The following CYTH2 variants were observed in gnomAD, a reference collection of about 807,000 sequenced individuals.
CYTH2 encodes the protein cytohesin-2.
In CYTH2, 24 loss-of-function variants were observed where a neutral mutation model predicts 55.4. The observed-to-expected ratio is 0.43, with a 90% CI of 0.31 to 0.61. CYTH2 has a LOEUF of 0.61. Among genes scored for constraint, CYTH2 ranks in the 20% least tolerant of loss-of-function variants. The pLI is 0.08. For missense variants in CYTH2, 378 were observed against 533.5 expected (o/e 0.71, Z 2.87); for synonymous variants, 221 against 209.6 (o/e 1.05, Z -0.47).
In CYTH2 at chr19:48,474,036, G is replaced by A; in HGVS notation, c.547+19G>A. 1 of 1,591,404 alleles carries A rather than the reference G, an allele frequency of 6.3e-7. No homozygotes were observed. The highest frequency in any genetic ancestry group is 8.6e-7 in the Non-Finnish European group (1 of 1,169,486). On this transcript the variant is annotated intron_variant, in intron 6 of 11. Transcript: ENST00000452733. This position sits in a 1 kb window ranked among gnomAD's most constrained non-coding sequence, Gnocchi z 4.9. The stretch of plus-strand genomic sequence containing the variant: ...TCCACAGGTGCGGGCCCCAAATCCT[G>A]GGTCCTGGGAAAGAGGAGACTGGGG...
In CYTH2 at chr19:48,479,237, T is replaced by C; in HGVS notation, c.*27T>C. 1 of 1,612,052 alleles carries C rather than the reference T, an allele frequency of 6.2e-7. No homozygotes were observed. The highest frequency in any genetic ancestry group is 1.7e-5 in the Admixed American group (1 of 59,962). Reference sequence around the variant, plus strand: ...CCCCTGCCCCCAACTCCATTATTTATTACGGAGCTGCCCCGCCTGGGTGGC... The same window carrying C: ...CCCCTGCCCCCAACTCCATTATTTACTACGGAGCTGCCCCGCCTGGGTGGC... On this transcript the variant is annotated 3_prime_UTR_variant, in exon 12 of 12. Coordinates refer to ENST00000452733, the MANE Select transcript of CYTH2 (RefSeq NM_004228.7).
intron 5 of CYTH2, 92 bp downstream of exon 5, chr19:48,473,470 G>A: frequency 7.3e-7 from 1 of 1,377,910 alleles, no homozygotes; most frequent in Non-Finnish European, 1.0e-6. Context: ...GAAAAAAACA[G>A]AAACAAGCAA....
chr19:48,470,371 C>T lies in CYTH2; in HGVS notation c.38C>T (p.Pro13Leu). The T allele has an allele frequency of 3.1e-6, 5 of 1,612,834 alleles. No homozygotes were observed. The highest frequency in any genetic ancestry group is 1.7e-5 in the Admixed American group (1 of 59,974). ...DGVYEPPDLT[P>L]EERMELENIR... Reference sequence around the variant, plus strand: ...TCCCTAGAACCCCCAGACCTGACTCCGGAGGAGCGGATGGAGCTGGAGAAC... The same window carrying T: ...TCCCTAGAACCCCCAGACCTGACTCTGGAGGAGCGGATGGAGCTGGAGAAC... The change falls in exon 2 of 12, where the codon CCG becomes CTG. Residue 13 changes from proline (P) to leucine (L), a missense_variant. Physicochemically the swap from Pro to Leu is moderately conservative, Grantham distance 98 (BLOSUM62 -3). Coordinates refer to ENST00000452733, the MANE Select transcript of CYTH2 (RefSeq NM_004228.7).
Position 48,481,478 on chromosome 19 carries a change from AT to A in CYTH2, c.*2276del. ...CCCCCAAGCTCCCAGCACGCTTCTGATTTTTTTTGTAGGTTTTTTTTTTTGT... is the reference window on the plus strand; with the variant it reads ...CCCCCAAGCTCCCAGCACGCTTCTGATTTTTTTGTAGGTTTTTTTTTTTGT... On this transcript the variant is annotated 3_prime_UTR_variant, in exon 12 of 12. Coordinates refer to ENST00000452733, the MANE Select transcript of CYTH2 (RefSeq NM_004228.7). 2 of 169,204 alleles carry A rather than the reference AT, an allele frequency of 1.2e-5. No individual in the cohort carries two copies. The highest frequency in any genetic ancestry group is 1.7e-4 in the East Asian group (1 of 5,960). The allele number at this position is 169,204 out of a possible 1,614,324, so 10.5% of individuals were successfully genotyped here.
chr19:48,474,921 G>C lies in CYTH2; in HGVS notation c.780G>C (p.Pro260=). ...ACCTGACCCACACCTTCTTCAACCCGGACCGGGAGGGCTGGCTCCTGAAGC... is the reference window on the plus strand; with the variant it reads ...ACCTGACCCACACCTTCTTCAACCCCGACCGGGAGGGCTGGCTCCTGAAGC... ...GNDLTHTFFN[P]DREGWLLKLG... The change falls in exon 8 of 12, where the codon CCG becomes CCC. Residue 260 remains proline (P), a synonymous_variant. Coordinates refer to ENST00000452733, the MANE Select transcript of CYTH2 (RefSeq NM_004228.7). This position sits in a 1 kb window ranked among gnomAD's most constrained non-coding sequence, Gnocchi z 4.9. 2 of 1,614,138 alleles carry C rather than the reference G, an allele frequency of 1.2e-6. No individual in the cohort carries two copies. Among genetic ancestry groups the C allele is most frequent in the Non-Finnish European group, 1.7e-6 (2 of 1,180,000 alleles).
chr19:48,477,301 TG>T, intron 8 of CYTH2: 1 of 152,644 alleles, frequency 6.6e-6, no homozygotes, highest in Non-Finnish European at 1.5e-5. Context: ...GACCAAGGGC[TG>T]GGGGTTTTGC....
At chr19:48,472,283 C>T (rs758132257) in intron 3 of CYTH2, 42 bp from the exon 4 acceptor site, 3 of 1,593,004 alleles carry the variant, frequency 1.9e-6, no homozygotes, top group East Asian at 2.2e-5. Context: ...AGTGGGGTGG[C>T]TTTCTGGCCC....
chr19:48,472,471 G>GCCCCCCCCCCCCCCCCCCCCCC, intron 4 of CYTH2, 28 bp downstream of exon 4: 2 of 1,584,662 alleles, frequency 1.3e-6, no homozygotes, highest in Non-Finnish European at 1.7e-6. Context: ...CTCCTGTGGG[G>GCCCCCCCCCCCCCCCCCCCCCC]CCCCTCCCTC....
chr19:48,478,056 C>T lies in CYTH2; in HGVS notation c.809-13C>T, dbSNP rs964810192. On this transcript the variant is annotated splice_polypyrimidine_tract_variant and intron_variant, in intron 8 of 11. Coordinates refer to ENST00000452733, the MANE Select transcript of CYTH2 (RefSeq NM_004228.7). ...TGTTGAGCCCAGGCCCCCTCCCACC[C>T]CTTCCCTTTCAGGGGGCCGGGTGAA... The T allele has an allele frequency of 1.9e-6, 3 of 1,613,016 alleles. No homozygotes were observed. In the African/African-American group the frequency reaches 4.0e-5, roughly 22 times the overall value.
At position 48,470,469 on chromosome 19, in the gene CYTH2, G is replaced by A. The variant is rs763101707; in HGVS notation, c.136G>A (p.Glu46Lys). 5.0e-6 allele frequency: 8 copies of A among 1,614,100 alleles called. No individual in the cohort carries two copies. In the Admixed American group the frequency reaches 5.0e-5, roughly 10 times the overall value. The change falls in exon 2 of 12, where the codon GAG (glutamate) becomes AAG (lysine). Residue 46 changes from glutamate (E) to lysine (K), a missense_variant. Physicochemically the swap from Glu to Lys is moderately conservative, Grantham distance 56 (BLOSUM62 1). Coordinates refer to ENST00000452733, the MANE Select transcript of CYTH2 (RefSeq NM_004228.7). ...GGAGGAGCTCAGTGAAGCCATGAGC[G>A]AGGTGGAGGGGCTGGAGGCCAATGA... ...LREELSEAMSEVEGLEANEGS... is the reference protein window; with the variant it reads ...LREELSEAMSKVEGLEANEGS...
rs1000943199 is a variant in CYTH2, at chr19:48,478,268, T to G, written c.886-7T>G. The G allele has an allele frequency of 1.2e-6, 2 of 1,612,338 alleles. No individual in the cohort carries two copies. The highest frequency in any genetic ancestry group is 1.7e-6 in the Non-Finnish European group (2 of 1,179,452). ...AAGTCTGAGTTCTGTCCACCTTGCT[T>G]CTTCAGGACAAGGAGCCCCGAGGAA... is the stretch of plus-strand genomic sequence containing the variant. On this transcript the variant is annotated splice_region_variant and splice_polypyrimidine_tract_variant and intron_variant, in intron 9 of 11. Coordinates refer to ENST00000452733, the MANE Select transcript of CYTH2 (RefSeq NM_004228.7).
In CYTH2 at chr19:48,479,396, A is replaced by G; in HGVS notation, c.*186A>G. 1.8e-6 allele frequency: 1 copy of G among 553,432 alleles called. No homozygotes were observed. The highest frequency in any genetic ancestry group is 3.1e-6 in the Non-Finnish European group (1 of 319,354). The allele number at this position is 553,432 out of a possible 1,614,324, so 34.3% of individuals were successfully genotyped here. The stretch of plus-strand genomic sequence containing the variant: ...AATTATTTAACCACTTGGCCTGCTG[A>G]CCCCCTCATTTCTTGGGGTTGACAG... On this transcript the variant is annotated 3_prime_UTR_variant, in exon 12 of 12. Transcript: ENST00000452733.
At chr19:48,472,530 G>A in intron 4 of CYTH2, 87 bp downstream of exon 4, 1 of 1,086,258 alleles carries the variant, frequency 9.2e-7, no homozygotes. Flanking sequence ...CTCACAGGTG[G>A]AACAGCCCTG....
rs1230983045 is a variant in CYTH2 at position 48,474,176 on chromosome 19, G to C, written c.548-6G>C. On this transcript the variant is annotated splice_region_variant and splice_polypyrimidine_tract_variant and intron_variant, in intron 6 of 11. Transcript: ENST00000452733. The surrounding 1 kb of genome is among the most constrained non-coding windows in gnomAD (Gnocchi z 4.9). ...GGGTCGTCACCACCTGCCCTGTCCGGTGCAGACACGTGCTATGTGCTGTCC... is the reference window on the plus strand; with the variant it reads ...GGGTCGTCACCACCTGCCCTGTCCGCTGCAGACACGTGCTATGTGCTGTCC... The C allele has an allele frequency of 1.9e-6, 3 of 1,585,926 alleles. No homozygotes were observed. The highest frequency in any genetic ancestry group is 2.6e-6 in the Non-Finnish European group (3 of 1,164,982).
At chr19:48,469,646 T>C in intron 1 of CYTH2, 120 bp downstream of exon 1, 3 of 1,361,200 alleles carry the variant, frequency 2.2e-6, no homozygotes, top group Non-Finnish European at 2.9e-6. Context: ...AGTCGTAGAC[T>C]TGTCGCGCCG....
chr19:48,470,512 G>A lies in CYTH2; in HGVS notation c.167+12G>A. ...GCCAATGAGGGCAGGTGAGGGCTGG[G>A]GCGGATGACCTAGGGGGCGTGGGGT... On this transcript the variant is annotated intron_variant, in intron 2 of 11. Transcript: ENST00000452733. The A allele has an allele frequency of 6.2e-7, 1 of 1,613,700 alleles. No individual in the cohort carries two copies. Among genetic ancestry groups the A allele is most frequent in the Non-Finnish European group, 8.5e-7 (1 of 1,179,708 alleles).
At position 48,473,345 on chromosome 19, in the gene CYTH2, A is replaced by G; in HGVS notation, c.401A>G (p.Glu134Gly). Residue 134 changes from glutamate to glycine, a missense_variant, in exon 5 of 12, where the codon GAG becomes GGG. Coordinates refer to ENST00000452733, the MANE Select transcript of CYTH2 (RefSeq NM_004228.7). ...AVLHAFVDLHEFTDLNLVQAL... is the reference protein window; with the variant it reads ...AVLHAFVDLHGFTDLNLVQAL... The stretch of plus-strand genomic sequence containing the variant: ...CTCCATGCTTTTGTGGATCTGCATG[A>G]GTTCACCGACCTCAATCTGGTGCAG... 6.2e-7 allele frequency: 1 copy of G among 1,614,080 alleles called. No homozygotes were observed. Among genetic ancestry groups the G allele is most frequent in the South Asian group, 1.1e-5 (1 of 91,084 alleles).
rs745423372 is a variant in CYTH2 at position 48,473,330 on chromosome 19, T to C, written c.386T>C (p.Phe129Ser). The C allele has an allele frequency of 1.2e-6, 2 of 1,614,014 alleles. No individual in the cohort carries two copies. The highest frequency in any genetic ancestry group is 1.7e-5 in the Admixed American group (1 of 60,000). The change falls in exon 5 of 12, where the codon TTT (phenylalanine) becomes TCT (serine). Residue 129 changes from phenylalanine to serine, a missense_variant. Physicochemically the swap from Phe to Ser is radical, Grantham distance 155. Coordinates refer to ENST00000452733, the MANE Select transcript of CYTH2 (RefSeq NM_004228.7). Reference sequence around the variant, plus strand: ...CTGAACCTGGCAGTGCTCCATGCTTTTGTGGATCTGCATGAGTTCACCGAC... The same window carrying C: ...CTGAACCTGGCAGTGCTCCATGCTTCTGTGGATCTGCATGAGTTCACCGAC... ...EELNLAVLHA[F>S]VDLHEFTDLN...
intron 1 of CYTH2, chr19:48,469,997 C>T (rs1971757239): frequency 1.8e-6 from 1 of 564,348 alleles, no homozygotes; most frequent in East Asian, 4.5e-5. Context: ...CCCCAGCTAC[C>T]TCGCCAGTAA....
Sources: allele counts gnomAD v4.1 joint callset, GRCh38; gene constraint gnomAD v4.1.1; non-coding constraint Gnocchi (gnomAD v3.1); transcripts MANE v1.5; gene names NCBI Gene and HGNC (gene_info 2026-07-23, HGNC 2026-07-21).